DPYD: variants seen among roughly 807,000 people sequenced by gnomAD.
DPYD encodes the protein dihydropyrimidine dehydrogenase [NADP(+)].
Under a neutral mutation model 116.2 loss-of-function variants are expected in DPYD, and 109 were observed. The ratio of observed to expected loss-of-function variants is 0.94; its 90% CI spans 0.80 to 1.10. The LOEUF (loss-of-function observed/expected upper bound fraction) is 1.10, where lower values mean the gene tolerates loss of function less well. Ranked by LOEUF, DPYD falls within the 50% of genes least tolerant of loss-of-function variation. DPYD has a pLI of 0.00. For missense variants in DPYD, 1,302 were observed against 1,254.5 expected, an observed-to-expected ratio of 1.04 and a Z score of -0.57; for synonymous variants, 440 against 432.0, an observed-to-expected ratio of 1.02 and a Z score of -0.23.
intron 18 of DPYD, among the ~76,000 whole-genome samples, chr1:97,283,618 T>C (rs1474208091): frequency 6.6e-6 from 1 of 152,136 alleles, no homozygotes; most frequent in African/African-American, 2.4e-5. Context: ...CTCAATTTAA[T>C]ATAACTCAAT....
chr1:97,211,026 T>C (rs1451859746), intron 19 of DPYD, among the ~76,000 whole-genome samples: 1 of 152,132 alleles, frequency 6.6e-6, no homozygotes, highest in African/African-American at 2.4e-5. Flanking sequence ...AAATTAATTA[T>C]CTACACGACA....
chr1:97,439,038 A>G (rs1175084754), intron 14 of DPYD, among the ~76,000 whole-genome samples: 1 of 152,094 alleles, frequency 6.6e-6, no homozygotes, highest in Non-Finnish European at 1.5e-5. Flanking sequence ...CATCAAGTTA[A>G]GGAATTTTCC....
intron 11 of DPYD, among the ~76,000 whole-genome samples, chr1:97,556,325 C>CTT (rs112978529): frequency 1.3e-5 from 2 of 150,460 alleles, no homozygotes; most frequent in Non-Finnish European, 3.0e-5. Context: ...TTTCTATTCC[C>CTT]TTTTTTTTTA....
At chr1:97,594,032 C>G (rs111953384) in intron 9 of DPYD, among the ~76,000 whole-genome samples, 82 of 152,160 alleles carry the variant, frequency 5.4e-4, no homozygotes, top group Non-Finnish European at 8.8e-4. Flanking sequence ...TTCTCAAGGT[C>G]ATCTCTATTA....
At chr1:97,546,818 A>T in intron 12 of DPYD, 1 of 1,612,818 alleles carries the variant, frequency 6.2e-7, no homozygotes, top group Non-Finnish European at 8.5e-7. Context: ...AAACCATTGA[A>T]GTTGGAAGTT....
At chr1:97,204,161 A>T (rs539104169) in intron 19 of DPYD, among the ~76,000 whole-genome samples, 4 of 152,284 alleles carry the variant, frequency 2.6e-5, no homozygotes, top group African/African-American at 9.6e-5. Flanking sequence ...AGGGCTAGAG[A>T]AGCAAAGCAA....
At chr1:97,633,801 TG>T (rs1403926260) in intron 8 of DPYD, among the ~76,000 whole-genome samples, 2 of 152,076 alleles carry the variant, frequency 1.3e-5, no homozygotes, top group African/African-American at 4.8e-5. Flanking sequence ...GATTAACTCA[TG>T]GGGAAGTGGC....
chr1:97,079,942 AC>A (rs1649039917), intron 22 of DPYD, among the ~76,000 whole-genome samples: 1 of 151,970 alleles, frequency 6.6e-6, no homozygotes, highest in Non-Finnish European at 1.5e-5. Flanking sequence ...AATTAAGAAT[AC>A]CTAGTATGAA....
rs1236233940 is a variant in DPYD, at chr1:97,222,018, C to T, written c.2442+12834G>A. Among the ~76,000 whole-genome samples, 2 of 151,964 alleles carry T rather than the reference C, an allele frequency of 1.3e-5. 1 individual carries two copies. Among genetic ancestry groups the T allele is most frequent in the Non-Finnish European group, 2.9e-5 (2 of 67,930 alleles). On this transcript the variant is annotated intron_variant, in intron 19 of 22. Coordinates refer to ENST00000370192, the MANE Select transcript of DPYD (RefSeq NM_000110.4). Reference sequence around the variant, plus strand: ...CAATCACAACTCATTTCAAGTGACACTGATAAACCAGAAATAGAGGAAAGG... The same window carrying T: ...CAATCACAACTCATTTCAAGTGACATTGATAAACCAGAAATAGAGGAAAGG...
chr1:97,188,481 C>A (rs1483087100), intron 20 of DPYD, among the ~76,000 whole-genome samples: 1 of 152,080 alleles, frequency 6.6e-6, no homozygotes, highest in Non-Finnish European at 1.5e-5. Context: ...CTTGCAAACT[C>A]CAGTATGAAT....
In DPYD at chr1:97,094,474, A is replaced by C. The variant is rs369846926; in HGVS notation, c.2766+4015T>G. On this transcript the variant is annotated intron_variant, in intron 21 of 22. Transcript: ENST00000370192. ...GAGGAGGGAGATGTAAGAGATAAGA[A>C]CAATAGTCATTGCTGACTAGCTTGT... Among the ~76,000 whole-genome samples, 11 of 152,144 alleles carry C rather than the reference A, an allele frequency of 7.2e-5. No homozygotes were observed. In the East Asian group the frequency reaches 1.7e-3, roughly 24 times the overall value.
intron 2 of DPYD, among the ~76,000 whole-genome samples, chr1:97,830,580 T>C (rs74739026): frequency 0.026 from 3,892 of 151,862 alleles, 168 homozygotes; most frequent in African/African-American, 0.086. Flanking sequence ...GCATGGTGGG[T>C]GCACCTGTAG....
chr1:97,900,838 C>T (rs980544825), intron 1 of DPYD, among the ~76,000 whole-genome samples: 3 of 151,682 alleles, frequency 2.0e-5, no homozygotes, highest in South Asian at 2.1e-4. Flanking sequence ...CCTATCAAGC[C>T]GCAGTAGATA....
intron 11 of DPYD, among the ~76,000 whole-genome samples, chr1:97,560,338 A>G (rs926843304): frequency 2.0e-4 from 30 of 152,184 alleles, no homozygotes; most frequent in Non-Finnish European, 4.1e-4. Context: ...CAAAAGAAAT[A>G]TAATGTAGGT....
At chr1:97,550,176 T>G (rs1651213931) in intron 11 of DPYD, among the ~76,000 whole-genome samples, 2 of 152,184 alleles carry the variant, frequency 1.3e-5, no homozygotes, top group Admixed American at 6.5e-5. Flanking sequence ...TGAATTCAGG[T>G]CAATGGCTAA....
At chr1:97,731,587 T>C (rs2101049358) in intron 4 of DPYD, among the ~76,000 whole-genome samples, 1 of 152,140 alleles carries the variant, frequency 6.6e-6, no homozygotes, top group Non-Finnish European at 1.5e-5. Context: ...ATCGATAGTA[T>C]AGTGTAATAC....
chr1:97,323,446 A>ATG (rs572381413), intron 16 of DPYD, among the ~76,000 whole-genome samples: 4 of 101,280 alleles, frequency 3.9e-5, no homozygotes, highest in African/African-American at 1.2e-4. Context: ...ATGTACACGT[A>ATG]TATACATATC....
chr1:97,704,521 A>C (rs1661792726), intron 5 of DPYD, among the ~76,000 whole-genome samples: 2 of 152,050 alleles, frequency 1.3e-5, no homozygotes, highest in South Asian at 2.1e-4. Flanking sequence ...ATAAATACGA[A>C]GAATATTTTT....
At chr1:97,688,452 A>T (rs1478311372) in intron 7 of DPYD, among the ~76,000 whole-genome samples, 4 of 151,980 alleles carry the variant, frequency 2.6e-5, no homozygotes, top group Non-Finnish European at 5.9e-5. Context: ...CGAGAATAAA[A>T]TCAGTGGAAA....
Sources: gnomAD v4.1 joint callset for allele counts (sites outside exome capture counted in the v4.1 genomes callset) on GRCh38, gnomAD v4.1.1 for gene constraint, MANE v1.5 for transcripts, NCBI Gene and HGNC (gene_info 2026-07-23, HGNC 2026-07-21) for gene names.